Variants in ATF7IP observed in about 807,000 individuals in gnomAD.
ATF7IP encodes the protein activating transcription factor 7 interacting protein.
Under a neutral mutation model 106.4 loss-of-function variants are expected in ATF7IP, and 23 were observed. That is an observed-to-expected ratio of 0.22 (90% CI 0.16 to 0.31). The LOEUF is 0.31. Ranked by LOEUF, ATF7IP falls within the 10% of genes least tolerant of loss-of-function variation. ATF7IP has a pLI of 1.00. For missense variants in ATF7IP, 1,334 were observed against 1,524.3 expected (o/e 0.88, Z 2.08); for synonymous variants, 542 against 539.0 (o/e 1.01, Z -0.08).
rs1452772602 is a variant in ATF7IP at position 14,500,530 on chromosome 12, C to CT, written c.*2458dup. On this transcript the variant is annotated 3_prime_UTR_variant, in exon 15 of 15. Transcript: ENST00000261168. ...CTTCTAGATGTATATGAACACCTGT[C>CT]TATATCTGCATGTATATGTTTTGAC... 2 of 152,126 alleles carry CT rather than the reference C, an allele frequency of 1.3e-5. No individual in the cohort carries two copies. Among genetic ancestry groups the CT allele is most frequent in the Non-Finnish European group, 2.9e-5 (2 of 68,024 alleles). 9.4% of individuals were successfully genotyped at this position (152,126 alleles called of 1,614,324 possible).
At chr12:14,483,351 G>A (rs1944488299) in intron 13 of ATF7IP, among the ~76,000 whole-genome samples, 1 of 152,174 alleles carries the variant, frequency 6.6e-6, no homozygotes, top group African/African-American at 2.4e-5. Context: ...TACCTCCGTT[G>A]TGGAGCAGTA....
intron 6 of ATF7IP, among the ~76,000 whole-genome samples, chr12:14,449,244 G>A (rs1404539528): frequency 6.6e-6 from 1 of 151,856 alleles, no homozygotes; most frequent in Admixed American, 6.6e-5. Context: ...AACTTTTTCC[G>A]TATGTTTTCT....
chr12:14,468,607 G>T (rs541105805), intron 10 of ATF7IP, among the ~76,000 whole-genome samples: 18 of 152,120 alleles, frequency 1.2e-4, no homozygotes, highest in Admixed American at 5.2e-4. Flanking sequence ...CAAGGAAGAG[G>T]AATTTAATAT....
At chr12:14,493,695 A>G (rs1944903596) in intron 13 of ATF7IP, among the ~76,000 whole-genome samples, 1 of 152,138 alleles carries the variant, frequency 6.6e-6, no homozygotes, top group Non-Finnish European at 1.5e-5. Context: ...TTTTCCAGTC[A>G]GTGCCCTCCC....
intron 1 of ATF7IP, among the ~76,000 whole-genome samples, chr12:14,412,617 TA>T (rs1001126521): frequency 6.2e-4 from 95 of 152,344 alleles, no homozygotes; most frequent in African/African-American, 2.3e-3. Flanking sequence ...TGAACTTTGT[TA>T]AACTCTTATT....
At chr12:14,436,794 T>A (rs1344287438) in intron 4 of ATF7IP, among the ~76,000 whole-genome samples, 56 of 140,018 alleles carry the variant, frequency 4.0e-4, no homozygotes, top group Admixed American at 1.1e-3. Flanking sequence ...TTTTTTTTTT[T>A]TAAAAAAGGT....
At chr12:14,479,860 T>C (rs1001152165) in intron 12 of ATF7IP, among the ~76,000 whole-genome samples, 4 of 152,182 alleles carry the variant, frequency 2.6e-5, no homozygotes, top group African/African-American at 9.6e-5. Flanking sequence ...TATAAGTAAG[T>C]TCAACCTTGG....
At chr12:14,456,297 A>G (rs934004288) in intron 6 of ATF7IP, among the ~76,000 whole-genome samples, 5 of 152,168 alleles carry the variant, frequency 3.3e-5, no homozygotes, top group Non-Finnish European at 5.9e-5. Flanking sequence ...TTTATTCTTC[A>G]TAAGAACACT....
chr12:14,416,643 C>T (rs1941219721), intron 1 of ATF7IP, among the ~76,000 whole-genome samples: 1 of 152,162 alleles, frequency 6.6e-6, no homozygotes, highest in East Asian at 1.9e-4. Flanking sequence ...GAAACCCTAC[C>T]ATGACCTGTT....
intron 5 of ATF7IP, among the ~76,000 whole-genome samples, chr12:14,439,215 T>C (rs1942574408): frequency 6.6e-6 from 1 of 152,198 alleles, no homozygotes; most frequent in African/African-American, 2.4e-5. Flanking sequence ...AAGTGTATGG[T>C]TCCTATTGGG....
At chr12:14,434,117 T>G (rs372628647) in intron 2 of ATF7IP, among the ~76,000 whole-genome samples, 1 of 152,224 alleles carries the variant, frequency 6.6e-6, no homozygotes, top group African/African-American at 2.4e-5. Flanking sequence ...GATTAAATCC[T>G]GTGTTGAGTT....
At chr12:14,423,574 C>CTTTTTTTTTTTTTTTT in intron 1 of ATF7IP, among the ~76,000 whole-genome samples, 2 of 34,390 alleles carry the variant, frequency 5.8e-5, no homozygotes, top group Non-Finnish European at 1.1e-4. Context: ...TCTTCAGGTA[C>CTTTTTTTTTTTTTTTT]TTTTTTTTTT....
intron 1 of ATF7IP, among the ~76,000 whole-genome samples, chr12:14,379,487 C>A (rs139557779): frequency 6.6e-6 from 1 of 152,072 alleles, no homozygotes; most frequent in African/African-American, 2.4e-5. Flanking sequence ...TTCTAGGACC[C>A]TTGTTTTCCA....
chr12:14,502,000 T>G lies in ATF7IP; in HGVS notation c.*3927T>G, dbSNP rs988438040. The G allele has an allele frequency of 2.0e-5, 3 of 152,248 alleles. No homozygotes were observed. Among genetic ancestry groups the G allele is most frequent in the Non-Finnish European group, 2.9e-5 (2 of 68,034 alleles). The allele number at this position is 152,248 out of a possible 1,614,324, so 9.4% of individuals were successfully genotyped here. A position where few individuals can be genotyped will look rare whatever the true frequency, so the allele number is the denominator to read the frequency against. ...GTGGTATCCTCATCTCTCACTTTTT[T>G]ACTCTGTGATTTTAGCACAGTAAGG... On this transcript the variant is annotated 3_prime_UTR_variant, in exon 15 of 15. Transcript: ENST00000261168.
At chr12:14,461,864 C>T (rs1414960269) in intron 9 of ATF7IP, among the ~76,000 whole-genome samples, 1 of 152,114 alleles carries the variant, frequency 6.6e-6, no homozygotes, top group African/African-American at 2.4e-5. Flanking sequence ...CAAGGGTAGG[C>T]ATCATGTGTC....
intron 1 of ATF7IP, among the ~76,000 whole-genome samples, chr12:14,391,043 C>T (rs994125574): frequency 1.3e-5 from 2 of 152,222 alleles, no homozygotes; most frequent in Admixed American, 6.5e-5. Context: ...AGTGACTCCC[C>T]TGCTTTACTG....
rs1015219713 is a variant in ATF7IP at position 14,466,433 on chromosome 12, G to T, written c.2798-93G>T. 20 of 1,002,570 alleles carry T rather than the reference G, an allele frequency of 2.0e-5. No individual in the cohort carries two copies. In the Admixed American group the frequency reaches 4.5e-4, roughly 23 times the overall value. 62.1% of individuals were successfully genotyped at this position (1,002,570 alleles called of 1,614,324 possible). On this transcript the variant is annotated intron_variant, in intron 9 of 14. Coordinates refer to ENST00000261168, the MANE Select transcript of ATF7IP (RefSeq NM_018179.5). ...TATGTGACATGTTGACGGAAAAGTA[G>T]TTGGAGAAAACTACATGAATTGTTT...
chr12:14,424,488 T>C lies in ATF7IP; in HGVS notation c.573T>C (p.Ser191=). The change falls in exon 2 of 15, where the codon TCT becomes TCC. Residue 191 remains serine, a synonymous_variant. Coordinates refer to ENST00000261168, the MANE Select transcript of ATF7IP (RefSeq NM_018179.5). The stretch of plus-strand genomic sequence containing the variant: ...ATGTGTCCCCTGGTGATGCCACCTC[T>C]GGTGATGCCACTGCTGATGATCTCT... ...SGDVSPGDAT[S]GDATADDLSS... is the part of the protein sequence containing the mutation. 6.2e-7 allele frequency: 1 copy of C among 1,614,138 alleles called. No homozygotes were observed. The highest frequency in any genetic ancestry group is 8.5e-7 in the Non-Finnish European group (1 of 1,180,016).
chr12:14,384,695 G>T (rs1939138067), intron 1 of ATF7IP, among the ~76,000 whole-genome samples: 1 of 152,024 alleles, frequency 6.6e-6, no homozygotes, highest in South Asian at 2.1e-4. Flanking sequence ...AAATTTAATT[G>T]TAGGCTTTAA....
Sources: allele counts gnomAD v4.1 joint callset (sites outside exome capture counted in the v4.1 genomes callset), GRCh38; gene constraint gnomAD v4.1.1; transcripts MANE v1.5; gene names NCBI Gene and HGNC (gene_info 2026-07-23, HGNC 2026-07-21).